Variants in ZNF79 observed in about 807,000 individuals in gnomAD.
The protein encoded by ZNF79 is zinc finger protein 79.
In ZNF79, 13 loss-of-function variants were observed where a neutral mutation model predicts 14.9. The ratio of observed to expected loss-of-function variants is 0.87; its 90% CI spans 0.57 to 1.38. The LOEUF is 1.38. Among genes scored for constraint, ZNF79 ranks in the 40% most tolerant of loss-of-function variants. The probability of loss-of-function intolerance (pLI) is 0.00; values close to 1 mark genes in which losing one functional copy is unlikely to be tolerated. For synonymous variants in ZNF79, 223 were observed against 235.1 expected (o/e 0.95, Z 0.47); for missense variants, 631 against 630.6 (o/e 1.00, Z -0.01).
chr9:127,428,452 T>A (rs770940268), intron 1 of ZNF79: 1 of 156,822 alleles, frequency 6.4e-6, no homozygotes, highest in Non-Finnish European at 1.4e-5. Context: ...TTAAACTGTA[T>A]ACTTATGTGC....
chr9:127,439,111 C>CAAAAAAAAAAGA (rs142533619), intron 4 of ZNF79, among the ~76,000 whole-genome samples: 11 of 145,582 alleles, frequency 7.6e-5, no homozygotes, highest in Non-Finnish European at 1.0e-4. Context: ...GACTCTGTCA[C>CAAAAAAAAAAGA]AAAAAAAAAG....
intron 2 of ZNF79, among the ~76,000 whole-genome samples, chr9:127,429,815 CT>C (rs1833828096): frequency 1.5e-5 from 2 of 134,788 alleles, no homozygotes; most frequent in South Asian, 4.6e-4. Flanking sequence ...TCTTTTATTT[CT>C]TTTTCCTTTT....
At chr9:127,436,058 A>G in intron 4 of ZNF79, 55 bp downstream of exon 4, 2 of 1,438,506 alleles carry the variant, frequency 1.4e-6, no homozygotes, top group Non-Finnish European at 2.0e-6. Context: ...GCGCCTTTAA[A>G]TCACGCATGA....
At chr9:127,441,052 C>G (rs1314669269) in intron 4 of ZNF79, among the ~76,000 whole-genome samples, 2 of 152,158 alleles carry the variant, frequency 1.3e-5, no homozygotes, top group East Asian at 3.9e-4. Flanking sequence ...ATTGCCCCTT[C>G]TTCCCATGGC....
At position 127,432,151 on chromosome 9, in the gene ZNF79, A is replaced by ATT. The variant is rs34862357; in HGVS notation, c.106-2922_106-2921dup. On this transcript the variant is annotated intron_variant, in intron 2 of 4. Coordinates refer to ENST00000342483, the MANE Select transcript of ZNF79 (RefSeq NM_007135.3). ...CTGCTTTCCTCAGGTTTATTTTTAA[A>ATT]TTTTTTTTTTTTTTTTTTGATGGAG... 6.1e-4 allele frequency among the ~76,000 whole-genome samples: 82 copies of ATT among 134,008 alleles called. 2 individuals are homozygous for ATT. Among genetic ancestry groups the ATT allele is most frequent in the Admixed American group, 1.3e-3 (17 of 12,682 alleles). 87.9% of individuals were successfully genotyped at this position (134,008 alleles called of 152,430 possible). A position where few individuals can be genotyped will look rare whatever the true frequency, so the allele number is the denominator to read the frequency against.
chr9:127,445,204 A>G lies in ZNF79; in HGVS notation c.*7A>G. 10 of 1,612,968 alleles carry G rather than the reference A, an allele frequency of 6.2e-6. No individual in the cohort carries two copies. The highest frequency in any genetic ancestry group is 8.5e-6 in the Non-Finnish European group (10 of 1,179,234). ...ACTCCACGCCGGAGAGTAACTAGGA[A>G]CATGGTAGAAGTGGAGAGAGTCCCG... On this transcript the variant is annotated 3_prime_UTR_variant, in exon 5 of 5. Coordinates refer to ENST00000342483, the MANE Select transcript of ZNF79 (RefSeq NM_007135.3).
At chr9:127,430,812 G>A (rs540715527) in intron 2 of ZNF79, among the ~76,000 whole-genome samples, 210 of 152,288 alleles carry the variant, frequency 1.4e-3, no homozygotes, top group African/African-American at 4.8e-3. Flanking sequence ...TTGCCGGGTC[G>A]AATGGTAGCT....
At position 127,424,840 on chromosome 9, in the gene ZNF79, G is replaced by C. The variant is rs139667368; in HGVS notation, c.16+37G>C. On this transcript the variant is annotated intron_variant, in intron 1 of 4. Transcript: ENST00000342483. Reference sequence around the variant, plus strand: ...TAGAGGGAGCGATTGTCAAGAGATCGGCTGCTGCTTCGTTTGCCCACGACT... The same window carrying C: ...TAGAGGGAGCGATTGTCAAGAGATCCGCTGCTGCTTCGTTTGCCCACGACT... 910 of 1,613,050 alleles carry C rather than the reference G, an allele frequency of 5.6e-4. 4 individuals are homozygous for C. The African/African-American group carries it at 0.011, about 20-fold the overall frequency.
At chr9:127,434,860 G>C (rs1242945254) in intron 2 of ZNF79, among the ~76,000 whole-genome samples, 1 of 152,118 alleles carries the variant, frequency 6.6e-6, no homozygotes, top group Non-Finnish European at 1.5e-5. Flanking sequence ...TGTTGGCCAG[G>C]CTGGTCTTGA....
rs373770489 is a variant in ZNF79 at position 127,444,735 on chromosome 9, C to T, written c.1035C>T (p.Cys345=). 1.7e-4 allele frequency: 278 copies of T among 1,610,138 alleles called. No individual in the cohort carries two copies. The highest frequency in any genetic ancestry group is 3.3e-4 in the Middle Eastern group (2 of 6,068). The change falls in exon 5 of 5, where the codon TGC becomes TGT. Residue 345 remains cysteine (C), a synonymous_variant. Transcript: ENST00000342483. ...AGTGTGGGAAGGCCTTCAGTTACTG[C>T]GCAGCGTTCATTCAGCACCAGAGGA... ...CSECGKAFSY[C]AAFIQHQRIH...
At chr9:127,425,819 CT>C (rs1833743460) in intron 1 of ZNF79, among the ~76,000 whole-genome samples, 1 of 152,244 alleles carries the variant, frequency 6.6e-6, no homozygotes, top group Non-Finnish European at 1.5e-5. Flanking sequence ...CCTCAAACTC[CT>C]GACCTCAAGT....
At position 127,444,212 on chromosome 9, in the gene ZNF79, A is replaced by C; in HGVS notation, c.512A>C (p.Lys171Thr). 1 of 1,614,132 alleles carries C rather than the reference A, an allele frequency of 6.2e-7. No individual in the cohort carries two copies. The highest frequency in any genetic ancestry group is 8.5e-7 in the Non-Finnish European group (1 of 1,180,028). Residue 171 changes from lysine (K) to threonine (T), a missense_variant, in exon 5 of 5, where the codon AAA becomes ACA. Physicochemically the swap from Lys to Thr is moderately conservative, Grantham distance 78 (BLOSUM62 -1). Coordinates refer to ENST00000342483, the MANE Select transcript of ZNF79 (RefSeq NM_007135.3). ...QRVPVEARPR[K>T]CETHTESFKN... The stretch of plus-strand genomic sequence containing the variant: ...GTGCCCGTGGAAGCGAGACCTCGCA[A>C]ATGTGAGACACACACCGAGAGCTTC...
At position 127,445,267 on chromosome 9, in the gene ZNF79, A is replaced by T; in HGVS notation, c.*70A>T. 1.3e-6 allele frequency: 2 copies of T among 1,525,832 alleles called. No individual in the cohort carries two copies. The highest frequency in any genetic ancestry group is 1.8e-6 in the Non-Finnish European group (2 of 1,123,584). The allele number at this position is 1,525,832 out of a possible 1,614,324, so 94.5% of individuals were successfully genotyped here. On this transcript the variant is annotated 3_prime_UTR_variant, in exon 5 of 5. Coordinates refer to ENST00000342483, the MANE Select transcript of ZNF79 (RefSeq NM_007135.3). The stretch of plus-strand genomic sequence containing the variant: ...CAGGACAGGTGGGTGAGGATCTGAG[A>T]AATGCTAAAGGCTTGAAAGCATCTG...
chr9:127,435,467 C>A (rs1028130607), intron 3 of ZNF79, among the ~76,000 whole-genome samples: 4 of 152,192 alleles, frequency 2.6e-5, no homozygotes, highest in Admixed American at 2.6e-4. Flanking sequence ...AGGTCATTTC[C>A]TCTATGTTCA....
intron 2 of ZNF79, among the ~76,000 whole-genome samples, chr9:127,430,967 G>A (rs1833849728): frequency 6.6e-6 from 1 of 152,130 alleles, no homozygotes; most frequent in Non-Finnish European, 1.5e-5. Context: ...TGTCATATTA[G>A]CCATTATTTC....
rs766568296 is a variant in ZNF79, at chr9:127,444,089, AC to A, written c.392del (p.Pro131HisfsTer3). ...EQALSEASFQDPCVEMPPGDS... is the reference protein window; with the variant it reads ...EQALSEASFQXPCVEMPPGDS... The stretch of plus-strand genomic sequence containing the variant: ...GCCCTTTCTGAAGCTTCATTCCAAG[AC>A]CCATGTGTAGAGATGCCCCCTGGGG... On this transcript the variant is annotated frameshift_variant, in exon 5 of 5. Transcript: ENST00000342483. LOFTEE classifies it low-confidence loss of function (END_TRUNC). 3.1e-6 allele frequency: 5 copies of A among 1,612,052 alleles called. No individual in the cohort carries two copies. The African/African-American group carries it at 6.7e-5, about 22-fold the overall frequency.
intron 3 of ZNF79, 106 bp downstream of exon 3, chr9:127,435,322 G>A: frequency 2.3e-6 from 3 of 1,300,552 alleles, no homozygotes; most frequent in Non-Finnish European, 3.1e-6. Flanking sequence ...GTACCAGAGG[G>A]ATGGTGTTTA....
intron 2 of ZNF79, among the ~76,000 whole-genome samples, chr9:127,433,290 G>A (rs1588071379): frequency 6.6e-6 from 1 of 152,146 alleles, no homozygotes; most frequent in East Asian, 1.9e-4. Context: ...GAATCAATGG[G>A]GATTGATGCT....
chr9:127,435,204 C>T lies in ZNF79; in HGVS notation c.220C>T (p.Leu74Phe), dbSNP rs1833926382. The T allele has an allele frequency of 1.9e-6, 3 of 1,597,662 alleles. No homozygotes were observed. The South Asian group carries it at 3.4e-5, about 18-fold the overall frequency. ...GGGGATACCAGGAAAGTCCAGGAGC[C>T]TTGTCCTACTAGGTAAGGAAACTGT... ...KEGIPGKSRSLVLLGLPVSQP... is the reference protein window; with the variant it reads ...KEGIPGKSRSFVLLGLPVSQP... Residue 74 changes from leucine to phenylalanine, a missense_variant, in exon 3 of 5, where the codon CTT becomes TTT. Transcript: ENST00000342483.
Sources: gnomAD v4.1 joint callset for allele counts (sites outside exome capture counted in the v4.1 genomes callset) on GRCh38, gnomAD v4.1.1 for gene constraint, MANE v1.5 for transcripts, NCBI Gene and HGNC (gene_info 2026-07-23, HGNC 2026-07-21) for gene names.